Variants in P2RY14 observed in about 807,000 individuals in gnomAD.
P2RY14 encodes the protein P2Y purinoceptor 14.
A neutral mutation model predicts 0.9 loss-of-function variants in P2RY14; 2 were observed. The ratio of observed to expected loss-of-function variants is 2.16; its 90% CI spans 0.88 to 6.79. P2RY14 has a LOEUF of 6.79. Ranked by LOEUF, P2RY14 falls within the 30% of genes most tolerant of loss-of-function variation. P2RY14 has a pLI of 0.05. For synonymous variants in P2RY14, 158 were observed against 147.2 expected (o/e 1.07, Z -0.53); for missense variants, 378 against 400.1 (o/e 0.94, Z 0.47).
chr3:151,230,475 C>T (rs149699392), intron 1 of P2RY14, among the ~76,000 whole-genome samples: 169 of 152,222 alleles, frequency 1.1e-3, no homozygotes, highest in African/African-American at 3.8e-3. Context: ...TTCTGATAAA[C>T]ACTCCTTTCT....
At chr3:151,231,125 T>C (rs1318682830) in intron 1 of P2RY14, among the ~76,000 whole-genome samples, 1 of 152,162 alleles carries the variant, frequency 6.6e-6, no homozygotes, top group East Asian at 1.9e-4. Flanking sequence ...TTCAGGAGTT[T>C]ATGGTGATAT....
chr3:151,268,594 G>C (rs139519088), intron 1 of P2RY14, among the ~76,000 whole-genome samples: 1 of 152,096 alleles, frequency 6.6e-6, no homozygotes, highest in Non-Finnish European at 1.5e-5. Flanking sequence ...TTCAAATTTT[G>C]TCTAATTTGT....
rs565895275 is a variant in P2RY14, at chr3:151,232,062, G to T, written c.-132-12420C>A. Among the ~76,000 whole-genome samples the T allele has an allele frequency of 3.1e-3, 477 of 152,236 alleles. 4 individuals are homozygous for T. The highest frequency in any genetic ancestry group is 0.011 in the African/African-American group (462 of 41,528). ...CTGTGCTCCGTGCCTGACAGGTAACGAATGCCTAATAACAGTCTCCTGGGT... is the reference window on the plus strand; with the variant it reads ...CTGTGCTCCGTGCCTGACAGGTAACTAATGCCTAATAACAGTCTCCTGGGT... On this transcript the variant is annotated intron_variant, in intron 1 of 2. Transcript: ENST00000309170.
intron 1 of P2RY14, among the ~76,000 whole-genome samples, chr3:151,242,474 G>C (rs1467740182): frequency 2.0e-5 from 3 of 151,522 alleles, no homozygotes; most frequent in Admixed American, 6.6e-5. Flanking sequence ...CCCCTGAGCA[G>C]CCTAACTGGG....
chr3:151,238,796 TATTA>T (rs1452058384), intron 1 of P2RY14, among the ~76,000 whole-genome samples: 4 of 152,342 alleles, frequency 2.6e-5, no homozygotes, highest in Admixed American at 2.0e-4. Flanking sequence ...TGTGCCAAAA[TATTA>T]ATTATGTATA....
At chr3:151,246,812 C>A (rs1173641574) in intron 1 of P2RY14, among the ~76,000 whole-genome samples, 5 of 152,184 alleles carry the variant, frequency 3.3e-5, no homozygotes, top group Non-Finnish European at 7.3e-5. Flanking sequence ...GCAAAAGATA[C>A]TACCATCAGA....
At chr3:151,255,483 G>T (rs1339154234) in intron 1 of P2RY14, among the ~76,000 whole-genome samples, 1 of 152,044 alleles carries the variant, frequency 6.6e-6, no homozygotes, top group Non-Finnish European at 1.5e-5. Context: ...GGCGGTTTGG[G>T]TATAAATGCC....
intron 1 of P2RY14, among the ~76,000 whole-genome samples, chr3:151,227,406 G>A (rs1193294047): frequency 6.6e-6 from 1 of 151,920 alleles, no homozygotes; most frequent in East Asian, 1.9e-4. Flanking sequence ...TTGATTATGT[G>A]TGAGAATGGT....
At chr3:151,227,212 G>A (rs1730693090) in intron 1 of P2RY14, among the ~76,000 whole-genome samples, 1 of 152,232 alleles carries the variant, frequency 6.6e-6, no homozygotes, top group South Asian at 2.1e-4. Context: ...GCTGTGCTAA[G>A]TTTTCACATT....
At chr3:151,264,402 CAGTT>C (rs1739454987) in intron 1 of P2RY14, among the ~76,000 whole-genome samples, 1 of 152,194 alleles carries the variant, frequency 6.6e-6, no homozygotes, top group Non-Finnish European at 1.5e-5. Flanking sequence ...TGTATTTTGT[CAGTT>C]AGGAAAGAAG....
chr3:151,247,962 C>CTTCTT (rs1314747790), intron 1 of P2RY14, among the ~76,000 whole-genome samples: 44 of 75,904 alleles, frequency 5.8e-4, no homozygotes, highest in African/African-American at 2.2e-3. Context: ...TCTTCTTCTT[C>CTTCTT]TTTTTTTTTT....
intron 2 of P2RY14, 41 bp from the exon 3 acceptor site, chr3:151,214,381 G>T: frequency 7.4e-7 from 1 of 1,350,720 alleles, no homozygotes; most frequent in Non-Finnish European, 1.0e-6. Flanking sequence ...GGGCACTTAT[G>T]GCCTCCAAGA....
At chr3:151,240,107 A>G (rs1733776190) in intron 1 of P2RY14, among the ~76,000 whole-genome samples, 1 of 151,180 alleles carries the variant, frequency 6.6e-6, no homozygotes, top group Admixed American at 6.6e-5. Context: ...CTGTAATTCC[A>G]GGCTCCATAA....
At chr3:151,264,660 C>T (rs542150975) in intron 1 of P2RY14, among the ~76,000 whole-genome samples, 326 of 152,316 alleles carry the variant, frequency 2.1e-3, no homozygotes, top group Non-Finnish European at 4.0e-3. Flanking sequence ...GAGCAGGAGC[C>T]TCCTGTGACC....
intron 1 of P2RY14, chr3:151,269,592 A>G (rs1457957290): frequency 3.1e-6 from 1 of 322,292 alleles, no homozygotes; most frequent in African/African-American, 2.2e-5. Flanking sequence ...GCCATCCACA[A>G]GTGTCTACAT....
chr3:151,216,088 C>A (rs575095831), intron 2 of P2RY14, among the ~76,000 whole-genome samples: 138 of 152,328 alleles, frequency 9.1e-4, no homozygotes, highest in African/African-American at 3.2e-3. Flanking sequence ...CTCTCTCCAG[C>A]TGTTTGTCTC....
intron 1 of P2RY14, among the ~76,000 whole-genome samples, chr3:151,263,763 A>ACC (rs140276177): frequency 6.6e-6 from 1 of 151,740 alleles, no homozygotes; most frequent in South Asian, 2.1e-4. Context: ...TTCCCGTACC[A>ACC]CCCCCCCCAC....
chr3:151,235,576 C>T (rs112268891), intron 1 of P2RY14, among the ~76,000 whole-genome samples: 1 of 152,090 alleles, frequency 6.6e-6, no homozygotes, highest in African/African-American at 2.4e-5. Flanking sequence ...TGCCTGTAAT[C>T]CCAGTTACGC....
intron 1 of P2RY14, chr3:151,269,478 T>C (rs1740481802): frequency 4.2e-6 from 1 of 240,542 alleles, no homozygotes. Context: ...AGTGGGGAGA[T>C]TGTGAAAGCA....
Sources: allele counts gnomAD v4.1 joint callset (sites outside exome capture counted in the v4.1 genomes callset), GRCh38; gene constraint gnomAD v4.1.1; transcripts MANE v1.5; gene names NCBI Gene and HGNC (gene_info 2026-07-23, HGNC 2026-07-21).